Variants in S1PR1 observed in about 807,000 individuals in gnomAD.
S1PR1 encodes the protein sphingosine 1-phosphate receptor 1.
A neutral mutation model predicts 18.3 loss-of-function variants in S1PR1; 2 were observed. That is an observed-to-expected ratio of 0.11 (90% confidence interval 0.04 to 0.34). The LOEUF is 0.34. S1PR1 is among the 10% of genes least tolerant of loss of function. The pLI is 1.00. For missense variants in S1PR1, 335 were observed against 493.8 expected, an observed-to-expected ratio of 0.68 and a Z score of 3.05; for synonymous variants, 222 against 211.2, an observed-to-expected ratio of 1.05 and a Z score of -0.44.
At position 101,241,455 on chromosome 1, in the gene S1PR1, T is replaced by C. The variant is rs1652906398; in HGVS notation, c.*1322T>C. The C allele has an allele frequency of 6.0e-6, 1 of 167,252 alleles. No individual in the cohort carries two copies. Among genetic ancestry groups the C allele is most frequent in the Admixed American group, 6.5e-5 (1 of 15,290 alleles). The allele number at this position is 167,252 out of a possible 1,614,324, so 10.4% of individuals were successfully genotyped here. ...TAGTATTTAATAGGTTTCTGACTTT[T>C]GTGGATCATTTTGCACATAGCTTTA... On this transcript the variant is annotated 3_prime_UTR_variant, in exon 2 of 2. Transcript: ENST00000305352.
chr1:101,241,098 T>G lies in S1PR1; in HGVS notation c.*965T>G, dbSNP rs1437989993. Reference sequence around the variant, plus strand: ...ATTTCAGAATGTTGTGTGATTCATTTCAAGCAACAACATGGTTGTATTTTG... The same window carrying G: ...ATTTCAGAATGTTGTGTGATTCATTGCAAGCAACAACATGGTTGTATTTTG... On this transcript the variant is annotated 3_prime_UTR_variant, in exon 2 of 2. Coordinates refer to ENST00000305352, the MANE Select transcript of S1PR1 (RefSeq NM_001400.5). 1.2e-5 allele frequency: 2 copies of G among 167,182 alleles called. No individual in the cohort carries two copies. The highest frequency in any genetic ancestry group is 2.9e-5 in the Non-Finnish European group (2 of 68,128). The allele number at this position is 167,182 out of a possible 1,614,324, so 10.4% of individuals were successfully genotyped here.
In S1PR1 at chr1:101,240,642, C is replaced by G. The variant is rs1652860868; in HGVS notation, c.*509C>G. ...AACGTTCTTTTACTTTATACTTTAA[C>G]TACCTGAGAGTTATCAGAGCTGGGG... On this transcript the variant is annotated 3_prime_UTR_variant, in exon 2 of 2. Transcript: ENST00000305352. 1 of 174,388 alleles carries G rather than the reference C, an allele frequency of 5.7e-6. No individual in the cohort carries two copies. The highest frequency in any genetic ancestry group is 5.7e-5 in the Admixed American group (1 of 17,570). 10.8% of individuals were successfully genotyped at this position (174,388 alleles called of 1,614,324 possible).
downstream of S1PR1, among the ~76,000 whole-genome samples, chr1:101,242,088 T>C (rs932810460): frequency 1.3e-5 from 2 of 151,536 alleles, no homozygotes; most frequent in Admixed American, 6.6e-5. Context: ...ACAGTATCAG[T>C]GAAGCAGCTA....
At chr1:101,237,725 T>C (rs1181655452) in intron 1 of S1PR1, among the ~76,000 whole-genome samples, 1 of 152,188 alleles carries the variant, frequency 6.6e-6, no homozygotes, top group African/African-American at 2.4e-5. Context: ...TAAATAAAAC[T>C]GCCCACGCAA....
Position 101,240,338 on chromosome 1 carries a change from T to A in S1PR1, c.*205T>A. The A allele has an allele frequency of 3.2e-6, 2 of 623,394 alleles. No individual in the cohort carries two copies. Among genetic ancestry groups the A allele is most frequent in the Non-Finnish European group, 5.8e-6 (2 of 345,364 alleles). The allele number at this position is 623,394 out of a possible 1,614,324, so 38.6% of individuals were successfully genotyped here. On this transcript the variant is annotated 3_prime_UTR_variant, in exon 2 of 2. Transcript: ENST00000305352. Reference sequence around the variant, plus strand: ...CCTGTGAACAATGCACTGGGAAGGGTGGAGATCAGGTCCCGGCCTGGAATA... The same window carrying A: ...CCTGTGAACAATGCACTGGGAAGGGAGGAGATCAGGTCCCGGCCTGGAATA...
At position 101,239,608 on chromosome 1, in the gene S1PR1, G is replaced by T. The variant is rs1314412030; in HGVS notation, c.624G>T (p.Thr208=). Residue 208 remains threonine (T), a synonymous_variant, in exon 2 of 2, where the codon ACG becomes ACT. Coordinates refer to ENST00000305352, the MANE Select transcript of S1PR1 (RefSeq NM_001400.5). This position sits in a 1 kb window ranked among gnomAD's most constrained non-coding sequence, Gnocchi z 6.3. The stretch of plus-strand genomic sequence containing the variant: ...AGCACTATATCCTCTTCTGCACCAC[G>T]GTCTTCACTCTGCTTCTGCTCTCCA... ...YHKHYILFCT[T]VFTLLLLSIV... The T allele has an allele frequency of 2.5e-6, 4 of 1,613,882 alleles. No homozygotes were observed. In the African/African-American group the frequency reaches 5.3e-5, roughly 22 times the overall value.
chr1:101,240,332 G>C lies in S1PR1; in HGVS notation c.*199G>C, dbSNP rs1557708327. 1 of 627,734 alleles carries C rather than the reference G, an allele frequency of 1.6e-6. No individual in the cohort carries two copies. The highest frequency in any genetic ancestry group is 2.0e-5 in the South Asian group (1 of 50,316). The allele number at this position is 627,734 out of a possible 1,614,324, so 38.9% of individuals were successfully genotyped here. A position where few individuals can be genotyped will look rare whatever the true frequency, so the allele number is the denominator to read the frequency against. On this transcript the variant is annotated 3_prime_UTR_variant, in exon 2 of 2. Coordinates refer to ENST00000305352, the MANE Select transcript of S1PR1 (RefSeq NM_001400.5). Reference sequence around the variant, plus strand: ...TTAGTTCCTGTGAACAATGCACTGGGAAGGGTGGAGATCAGGTCCCGGCCT... The same window carrying C: ...TTAGTTCCTGTGAACAATGCACTGGCAAGGGTGGAGATCAGGTCCCGGCCT...
rs1412556495 is a variant in S1PR1 at position 101,240,586 on chromosome 1, C to T, written c.*453C>T. 1.0e-5 allele frequency: 2 copies of T among 200,722 alleles called. No homozygotes were observed. Among genetic ancestry groups the T allele is most frequent in the Admixed American group, 5.3e-5 (1 of 18,822 alleles). The allele number at this position is 200,722 out of a possible 1,614,324, so 12.4% of individuals were successfully genotyped here. A position where few individuals can be genotyped will look rare whatever the true frequency, so the allele number is the denominator to read the frequency against. On this transcript the variant is annotated 3_prime_UTR_variant, in exon 2 of 2. Transcript: ENST00000305352. ...TAGGGATGCCCTGTACATCCCACACCCCACCCTCCCTTCCCTTCATACCCC... is the reference window on the plus strand; with the variant it reads ...TAGGGATGCCCTGTACATCCCACACTCCACCCTCCCTTCCCTTCATACCCC...
At chr1:101,238,345 C>G (rs1469439364) in intron 1 of S1PR1, 1 of 151,856 alleles carries the variant, frequency 6.6e-6, no homozygotes, top group African/African-American at 2.4e-5. Context: ...GAGTCTTTTC[C>G]GAGGAGAGAC....
chr1:101,237,350 G>C (rs1198398689), intron 1 of S1PR1, among the ~76,000 whole-genome samples: 2 of 152,184 alleles, frequency 1.3e-5, no homozygotes, highest in Admixed American at 6.5e-5. Context: ...CGGGTGTAGG[G>C]GCAGTGAAAA....
At chr1:101,237,255 A>G (rs1652716151) in intron 1 of S1PR1, among the ~76,000 whole-genome samples, 156 bp downstream of exon 1, 1 of 152,206 alleles carries the variant, frequency 6.6e-6, no homozygotes, top group African/African-American at 2.4e-5. Flanking sequence ...TGGGCTACTA[A>G]GGAGCCCATC....
Position 101,239,707 on chromosome 1 carries a change from T to C in S1PR1, c.723T>C (p.Ile241=), listed in dbSNP as rs753641214. Residue 241 remains isoleucine (I), a synonymous_variant, in exon 2 of 2, where the codon ATT becomes ATC. Coordinates refer to ENST00000305352, the MANE Select transcript of S1PR1 (RefSeq NM_001400.5). The surrounding 1 kb of genome is among the most constrained non-coding windows in gnomAD (Gnocchi z 6.3). ...GCCGCCTGACGTTCCGCAAGAACAT[T>C]TCCAAGGCCAGCCGCAGCTCTGAGA... is the stretch of plus-strand genomic sequence containing the variant. ...RSRRLTFRKN[I]SKASRSSEKS... 10 of 1,613,944 alleles carry C rather than the reference T, an allele frequency of 6.2e-6. No individual in the cohort carries two copies. In the Admixed American group the frequency reaches 1.7e-4, roughly 27 times the overall value.
In S1PR1 at chr1:101,240,116, G is replaced by T; in HGVS notation, c.1132G>T (p.Val378Phe). 6.2e-7 allele frequency: 1 copy of T among 1,613,068 alleles called. No homozygotes were observed. Among genetic ancestry groups the T allele is most frequent in the Non-Finnish European group, 8.5e-7 (1 of 1,180,026 alleles). Residue 378 changes from valine to phenylalanine, a missense_variant, in exon 2 of 2, where the codon GTC (valine) becomes TTC (phenylalanine). Around this residue, in one of 3 missense-constraint regions of S1PR1, gnomAD observed 90 missense variants for 97.6 expected, o/e 0.92. Transcript: ENST00000305352. ...NPETIMSSGN[V>F]NSSS is the part of the protein sequence containing the mutation. ...AGAGACCATTATGTCTTCTGGAAACGTCAACTCTTCTTCCTAGAACTGGAA... is the reference window on the plus strand; with the variant it reads ...AGAGACCATTATGTCTTCTGGAAACTTCAACTCTTCTTCCTAGAACTGGAA...
chr1:101,237,648 C>T lies in S1PR1; in HGVS notation c.-164+549C>T, dbSNP rs562176956. Among the ~76,000 whole-genome samples, 12 of 152,256 alleles carry T rather than the reference C, an allele frequency of 7.9e-5. 1 individual carries two copies. Among genetic ancestry groups the T allele is most frequent in the Non-Finnish European group, 1.3e-4 (9 of 68,018 alleles). On this transcript the variant is annotated intron_variant, in intron 1 of 1. Transcript: ENST00000305352. ...GAAGTAGACTTCTGCTGACCAGTGC[C>T]GTCTTAGAAAGTTTCTTTGTAACTT...
rs1652839979 is a variant in S1PR1, at chr1:101,240,183, C to T, written c.*50C>T. 6.3e-7 allele frequency: 1 copy of T among 1,595,294 alleles called. No homozygotes were observed. The highest frequency in any genetic ancestry group is 1.7e-4 in the Middle Eastern group (1 of 6,004). On this transcript the variant is annotated 3_prime_UTR_variant, in exon 2 of 2. Transcript: ENST00000305352. ...AAGCGCTCTTTACTTGGTCGCTGGC[C>T]ACCCCAGTGTTTGGAAAAAAATCTC...
At chr1:101,237,385 G>A (rs1272337764) in intron 1 of S1PR1, among the ~76,000 whole-genome samples, 7 of 152,166 alleles carry the variant, frequency 4.6e-5, no homozygotes, top group Admixed American at 2.6e-4. Context: ...AGGAATAGGA[G>A]GGAAGGCGTT....
At position 101,239,951 on chromosome 1, in the gene S1PR1, A is replaced by C. The variant is rs757941012; in HGVS notation, c.967A>C (p.Ile323Leu). 8 of 1,614,110 alleles carry C rather than the reference A, an allele frequency of 5.0e-6. No individual in the cohort carries two copies. In the South Asian group the frequency reaches 6.6e-5, roughly 13 times the overall value. The change falls in exon 2 of 2, where the codon ATC (isoleucine) becomes CTC (leucine). Residue 323 changes from isoleucine (I) to leucine (L), a missense_variant. Around this residue, in one of 3 missense-constraint regions of S1PR1, gnomAD observed 90 missense variants for 97.6 expected, o/e 0.92. Coordinates refer to ENST00000305352, the MANE Select transcript of S1PR1 (RefSeq NM_001400.5). The surrounding 1 kb of genome is among the most constrained non-coding windows in gnomAD (Gnocchi z 6.3). ...LTNKEMRRAF[I>L]RIMSCCKCPS... ...CAACAAGGAGATGCGTCGGGCCTTCATCCGGATCATGTCCTGCTGCAAGTG... is the reference window on the plus strand; with the variant it reads ...CAACAAGGAGATGCGTCGGGCCTTCCTCCGGATCATGTCCTGCTGCAAGTG...
chr1:101,240,220 T>TGG lies in S1PR1; in HGVS notation c.*88_*89insGG. The TGG allele has an allele frequency of 7.0e-7, 1 of 1,428,224 alleles. No homozygotes were observed. The highest frequency in any genetic ancestry group is 9.6e-7 in the Non-Finnish European group (1 of 1,037,616). The allele number at this position is 1,428,224 out of a possible 1,614,324, so 88.5% of individuals were successfully genotyped here. ...TGGAAAAAAATCTCTGGGCTTCGAC[T>TGG]GCTGCCAGGGAGGAGCTGCTGCAAG... On this transcript the variant is annotated 3_prime_UTR_variant, in exon 2 of 2. Transcript: ENST00000305352.
chr1:101,238,723 A>C, intron 1 of S1PR1, 99 bp from the exon 2 acceptor site: 1 of 451,946 alleles, frequency 2.2e-6, no homozygotes. Flanking sequence ...TCTTTAAAAC[A>C]AATCAACAAC....
Sources: gnomAD v4.1 joint callset for allele counts (sites outside exome capture counted in the v4.1 genomes callset) on GRCh38, gnomAD v4.1.1 for gene constraint, gnomAD v4.1.1 regional missense constraint, Gnocchi (gnomAD v3.1) non-coding constraint, MANE v1.5 for transcripts, NCBI Gene and HGNC (gene_info 2026-07-23, HGNC 2026-07-21) for gene names.